The following UMAD1 variants were observed in gnomAD, a reference collection of about 807,000 sequenced individuals.
UMAD1 encodes UBAP1-MVB12-associated (UMA)-domain containing protein 1.
UMAD1 carries 8 observed loss-of-function variants against 6.1 expected under a neutral mutation model. The ratio of observed to expected loss-of-function variants is 1.30; its 90% CI spans 0.76 to 2.35. The LOEUF (loss-of-function observed/expected upper bound fraction) is 2.35. Among genes scored for constraint, UMAD1 ranks in the 30% most tolerant of loss-of-function variants. The probability of loss-of-function intolerance (pLI) is 0.00; values close to 1 mark genes in which losing one functional copy is unlikely to be tolerated. For synonymous variants in UMAD1, 56 were observed against 31.4 expected (o/e 1.78, Z -2.61); for missense variants, 130 against 78.4 (o/e 1.66, Z -2.49).
chr7:7,665,743 A>G (rs1004405086), intron 1 of UMAD1, among the ~76,000 whole-genome samples: 11 of 151,156 alleles, frequency 7.3e-5, no homozygotes, highest in Admixed American at 3.3e-4. Context: ...TTCACTGTAC[A>G]CTAGTTTGTA....
rs775770880 is a variant in UMAD1, at chr7:7,877,708, A to G, written c.*170A>G. ...ATTTTTAAGAAAAAGGTACATTTGT[A>G]TACAAATTGAACTTAAGTTCTACTT... On this transcript the variant is annotated 3_prime_UTR_variant, in exon 4 of 4. Coordinates refer to ENST00000682710, the MANE Select transcript of UMAD1 (RefSeq NM_001302348.2). 5 of 573,012 alleles carry G rather than the reference A, an allele frequency of 8.7e-6. No individual in the cohort carries two copies. In the East Asian group the frequency reaches 1.1e-4, roughly 13 times the overall value. The allele number at this position is 573,012 out of a possible 1,614,324, so 35.5% of individuals were successfully genotyped here. A position where few individuals can be genotyped will look rare whatever the true frequency, so the allele number is the denominator to read the frequency against.
chr7:7,709,911 A>C (rs1780709722), intron 2 of UMAD1, among the ~76,000 whole-genome samples: 1 of 151,912 alleles, frequency 6.6e-6, no homozygotes, highest in South Asian at 2.1e-4. Flanking sequence ...CCTTACTCCC[A>C]CCTCAGAGGT....
At chr7:7,815,314 T>G (rs1783105022) in intron 3 of UMAD1, among the ~76,000 whole-genome samples, 1 of 152,178 alleles carries the variant, frequency 6.6e-6, no homozygotes, top group African/African-American at 2.4e-5. Flanking sequence ...ATACACAGTA[T>G]CTGATGTATA....
intron 3 of UMAD1, among the ~76,000 whole-genome samples, chr7:7,815,144 A>G (rs1462535878): frequency 6.6e-6 from 1 of 152,188 alleles, no homozygotes; most frequent in Non-Finnish European, 1.5e-5. Flanking sequence ...GGTTCCTCAC[A>G]GTGGCAGATT....
chr7:7,713,682 G>T (rs1301312760), intron 2 of UMAD1, among the ~76,000 whole-genome samples: 1 of 151,794 alleles, frequency 6.6e-6, no homozygotes, highest in Non-Finnish European at 1.5e-5. Flanking sequence ...TTTGTCCTTG[G>T]ATCATCATTT....
intron 3 of UMAD1, among the ~76,000 whole-genome samples, chr7:7,871,487 A>C (rs1372102674): frequency 2.0e-5 from 3 of 152,206 alleles, no homozygotes; most frequent in Non-Finnish European, 2.9e-5. Context: ...TCTTGTCTTT[A>C]ATACGGGACT....
chr7:7,768,072 C>A (rs1782028926), intron 2 of UMAD1, among the ~76,000 whole-genome samples: 1 of 152,002 alleles, frequency 6.6e-6, no homozygotes, highest in African/African-American at 2.4e-5. Context: ...AAATTTCTAG[C>A]CCATAGGAAC....
At chr7:7,778,597 G>A (rs1334953270) in intron 2 of UMAD1, among the ~76,000 whole-genome samples, 2 of 151,846 alleles carry the variant, frequency 1.3e-5, no homozygotes, top group Admixed American at 1.3e-4. Flanking sequence ...TTATATTTTT[G>A]TAGAGATGAG....
intron 2 of UMAD1, among the ~76,000 whole-genome samples, chr7:7,779,318 C>G (rs1227223645): frequency 6.6e-6 from 1 of 151,986 alleles, no homozygotes; most frequent in East Asian, 1.9e-4. Context: ...GCTCTGTCAC[C>G]CAGGCTAGAG....
intron 3 of UMAD1, among the ~76,000 whole-genome samples, chr7:7,860,798 AAAT>A (rs151150969): frequency 4.4e-5 from 2 of 45,504 alleles, no homozygotes; most frequent in South Asian, 4.2e-4. Context: ...ATAACAAAAA[AAAT>A]AATAATAATA....
chr7:7,869,352 T>C (rs1340235853), intron 3 of UMAD1, among the ~76,000 whole-genome samples: 2 of 152,214 alleles, frequency 1.3e-5, no homozygotes, highest in Non-Finnish European at 2.9e-5. Context: ...CTTTTATTTA[T>C]AGACATTAGA....
intron 2 of UMAD1, among the ~76,000 whole-genome samples, chr7:7,782,043 T>C (rs1782355766): frequency 6.6e-6 from 1 of 152,060 alleles, no homozygotes; most frequent in African/African-American, 2.4e-5. Flanking sequence ...TAATCTATCA[T>C]TACGTTAGGA....
intron 2 of UMAD1, among the ~76,000 whole-genome samples, chr7:7,745,377 C>T (rs1781552027): frequency 6.6e-6 from 1 of 152,150 alleles, no homozygotes; most frequent in African/African-American, 2.4e-5. Flanking sequence ...AATTATATCA[C>T]GACTTTATTT....
chr7:7,640,923 C>T (rs1033600972), intron 1 of UMAD1, 102 bp downstream of exon 1: 4 of 166,180 alleles, frequency 2.4e-5, no homozygotes, highest in Non-Finnish European at 5.3e-5. Flanking sequence ...GCTGCTGCCG[C>T]GGTGCTGTGG....
At chr7:7,662,133 C>G (rs563279300) in intron 1 of UMAD1, among the ~76,000 whole-genome samples, 2 of 152,222 alleles carry the variant, frequency 1.3e-5, no homozygotes, top group South Asian at 4.1e-4. Flanking sequence ...CCCACTCAAG[C>G]CTCAGTAATG....
chr7:7,670,335 A>C (rs745461629), intron 1 of UMAD1, among the ~76,000 whole-genome samples: 10 of 152,208 alleles, frequency 6.6e-5, no homozygotes, highest in Admixed American at 2.6e-4. Context: ...AAGAGGAGCC[A>C]CTTCGTAAAG....
intron 2 of UMAD1, among the ~76,000 whole-genome samples, chr7:7,791,329 A>C (rs1782563758): frequency 6.6e-6 from 1 of 152,180 alleles, no homozygotes; most frequent in African/African-American, 2.4e-5. Flanking sequence ...CCCTTTGTAG[A>C]GCTTTCTATT....
intron 2 of UMAD1, among the ~76,000 whole-genome samples, chr7:7,779,221 A>G (rs1782291370): frequency 6.6e-6 from 1 of 152,186 alleles, no homozygotes; most frequent in South Asian, 2.1e-4. Flanking sequence ...CCTAATCCAG[A>G]TAATAGGATG....
chr7:7,765,629 G>A (rs1781969980), intron 2 of UMAD1, among the ~76,000 whole-genome samples: 1 of 151,996 alleles, frequency 6.6e-6, no homozygotes, highest in Non-Finnish European at 1.5e-5. Context: ...CTGCCCTGAG[G>A]GTTATGAATG....
Sources: gnomAD v4.1 joint callset for allele counts (sites outside exome capture counted in the v4.1 genomes callset) on GRCh38, gnomAD v4.1.1 for gene constraint, MANE v1.5 for transcripts, NCBI Gene and HGNC (gene_info 2026-07-23, HGNC 2026-07-21) for gene names.